Variants in LRRC40 observed in about 807,000 individuals in gnomAD.
LRRC40 encodes leucine rich repeat containing 40.
LRRC40 carries 76 observed loss-of-function variants against 72.8 expected under a neutral mutation model. The ratio of observed to expected loss-of-function variants is 1.04; its 90% confidence interval spans 0.87 to 1.26. The LOEUF (loss-of-function observed/expected upper bound fraction) is 1.26, where lower values mean the gene tolerates loss of function less well. Ranked by LOEUF, LRRC40 falls within the 50% of genes most tolerant of loss-of-function variation. LRRC40 has a pLI of 0.00. For synonymous variants in LRRC40, 243 were observed against 254.2 expected (o/e 0.96, Z 0.42); for missense variants, 684 against 698.9 (o/e 0.98, Z 0.24).
intron 9 of LRRC40, among the ~76,000 whole-genome samples, chr1:70,167,684 G>C (rs767922003): frequency 6.6e-6 from 1 of 151,842 alleles, no homozygotes; most frequent in African/African-American, 2.4e-5. Flanking sequence ...GCACAATCTC[G>C]GCTCACTGTA....
intron 1 of LRRC40, among the ~76,000 whole-genome samples, chr1:70,204,545 T>C (rs141939364): frequency 5.2e-4 from 79 of 152,300 alleles, no homozygotes; most frequent in Non-Finnish European, 7.8e-4. Context: ...AAGGATTCTG[T>C]GTCTTTTCAT....
intron 9 of LRRC40, among the ~76,000 whole-genome samples, chr1:70,172,036 G>C (rs141607104): frequency 1.3e-5 from 2 of 152,090 alleles, no homozygotes; most frequent in Non-Finnish European, 2.9e-5. Flanking sequence ...AACCACCAAG[G>C]TAACAGTATT....
chr1:70,184,697 C>A (rs890019256), intron 4 of LRRC40, 88 bp downstream of exon 4: 2 of 1,235,680 alleles, frequency 1.6e-6, no homozygotes. Flanking sequence ...CATGTTCCCA[C>A]AGTTTCAATC....
At chr1:70,202,877 T>C (rs924645886) in intron 1 of LRRC40, among the ~76,000 whole-genome samples, 2 of 152,098 alleles carry the variant, frequency 1.3e-5, no homozygotes, top group Non-Finnish European at 2.9e-5. Flanking sequence ...GGGGGAAAGG[T>C]AATTTTTGTT....
At position 70,148,623 on chromosome 1, in the gene LRRC40, T is replaced by C. The variant is rs763321871; in HGVS notation, c.1567A>G (p.Ile523Val). ...VLYRIFTLET[I>V]LISNNQVGSV... is the part of the protein sequence containing the mutation. Reference sequence around the variant, plus strand: ...CCAACCTGATTATTACTAATCAGAATTGTTTCAAGTGTGAAGATACGATAT... The same window carrying C: ...CCAACCTGATTATTACTAATCAGAACTGTTTCAAGTGTGAAGATACGATAT... Residue 523 changes from isoleucine to valine, a missense_variant, in exon 14 of 15, where the codon ATT becomes GTT. Coordinates refer to ENST00000370952, the MANE Select transcript of LRRC40 (RefSeq NM_017768.5). 3 of 1,612,964 alleles carry C rather than the reference T, an allele frequency of 1.9e-6. No homozygotes were observed. The Admixed American group carries it at 5.0e-5, about 27-fold the overall frequency.
chr1:70,159,499 TTGA>T, intron 9 of LRRC40, 61 bp from the exon 10 acceptor site: 1 of 742,706 alleles, frequency 1.3e-6, no homozygotes, highest in Non-Finnish European at 2.3e-6. Context: ...GTTAAAATTC[TTGA>T]TAATATATTA....
intron 1 of LRRC40, among the ~76,000 whole-genome samples, chr1:70,197,319 C>T (rs948940763): frequency 1.3e-5 from 2 of 151,714 alleles, no homozygotes; most frequent in Admixed American, 6.6e-5. Context: ...AGCCTGTCAC[C>T]CAGGCTGGAG....
Position 70,145,895 on chromosome 1 carries a change from G to A in LRRC40, c.1714C>T (p.Leu572=), listed in dbSNP as rs751448579. The A allele has an allele frequency of 2.6e-6, 4 of 1,564,422 alleles. No homozygotes were observed. Among genetic ancestry groups the A allele is most frequent in the Admixed American group, 3.4e-5 (2 of 59,682 alleles). Residue 572 remains leucine (L), a synonymous_variant, in exon 15 of 15, where the codon CTG becomes TTG. Transcript: ENST00000370952. ...GNCVNLRTLL[L]DGNPFRVPRA... The stretch of plus-strand genomic sequence containing the variant: ...GGAACTCGGAATGGATTTCCATCCA[G>A]TAGTAATGTTCTAAACAAAAGAGAG...
At chr1:70,188,961 G>A (rs897234777) in intron 2 of LRRC40, 131 bp downstream of exon 2, 5 of 704,664 alleles carry the variant, frequency 7.1e-6, no homozygotes, top group African/African-American at 3.6e-5. Context: ...ATTATGCTAT[G>A]CCTAGAATGA....
intron 7 of LRRC40, among the ~76,000 whole-genome samples, chr1:70,174,819 G>C (rs1328491370): frequency 1.3e-5 from 2 of 152,064 alleles, no homozygotes; most frequent in Non-Finnish European, 2.9e-5. Flanking sequence ...ACTTTTTAGG[G>C]AGATAGAAAT....
Position 70,205,548 on chromosome 1 carries a change from G to C in LRRC40, c.-8C>G. On this transcript the variant is annotated 5_prime_UTR_variant, in exon 1 of 15. Transcript: ENST00000370952. ...CCGCTTCAGGCGCGACATGTTCAAA[G>C]TCCTAGGTCCAGAAGCTGCAGCCCC... is the stretch of plus-strand genomic sequence containing the variant. 2 of 1,584,986 alleles carry C rather than the reference G, an allele frequency of 1.3e-6. No homozygotes were observed. Among genetic ancestry groups the C allele is most frequent in the Non-Finnish European group, 1.7e-6 (2 of 1,157,466 alleles).
intron 13 of LRRC40, among the ~76,000 whole-genome samples, 161 bp from the exon 14 acceptor site, chr1:70,148,833 G>A (rs1667387460): frequency 6.6e-6 from 1 of 152,088 alleles, no homozygotes; most frequent in African/African-American, 2.4e-5. Flanking sequence ...AAAATAAAGA[G>A]AAAGGGCTAA....
chr1:70,180,325 T>C (rs1398709399), intron 5 of LRRC40: 1 of 152,300 alleles, frequency 6.6e-6, no homozygotes, highest in Non-Finnish European at 1.5e-5. Flanking sequence ...GCTGAACTTA[T>C]GTGGATACCC....
In LRRC40 at chr1:70,178,812, T is replaced by A. The variant is rs1179380592; in HGVS notation, c.804+39A>T. 3.7e-6 allele frequency: 5 copies of A among 1,340,734 alleles called. No homozygotes were observed. The East Asian group carries it at 1.3e-4, about 34-fold the overall frequency. The allele number at this position is 1,340,734 out of a possible 1,614,324, so 83.1% of individuals were successfully genotyped here. ...AAAAATGCATTTTAATAATTAACTT[T>A]TGGAAAATATAGTTATTTAATAATC... On this transcript the variant is annotated intron_variant, in intron 6 of 14. Coordinates refer to ENST00000370952, the MANE Select transcript of LRRC40 (RefSeq NM_017768.5).
chr1:70,172,506 G>A (rs776888789), intron 9 of LRRC40, among the ~76,000 whole-genome samples: 2 of 152,064 alleles, frequency 1.3e-5, no homozygotes, highest in Non-Finnish European at 2.9e-5. Flanking sequence ...TAGCAGAAAT[G>A]TTTGCATATA....
At chr1:70,202,904 T>G (rs1165701482) in intron 1 of LRRC40, among the ~76,000 whole-genome samples, 2 of 152,196 alleles carry the variant, frequency 1.3e-5, no homozygotes, top group African/African-American at 4.8e-5. Context: ...ATTATTATTA[T>G]TTTAGAGACA....
intron 1 of LRRC40, among the ~76,000 whole-genome samples, chr1:70,198,501 G>A (rs1052955216): frequency 2.6e-5 from 4 of 152,090 alleles, no homozygotes; most frequent in Non-Finnish European, 5.9e-5. Context: ...ATTTTATCTA[G>A]TCCGACGAAA....
rs752211106 is a variant in LRRC40, at chr1:70,144,840, TGTA to T, written c.*957_*959del. On this transcript the variant is annotated 3_prime_UTR_variant, in exon 15 of 15. Coordinates refer to ENST00000370952, the MANE Select transcript of LRRC40 (RefSeq NM_017768.5). ...AAAAATGTAACTTTTATTCTGAACA[TGTA>T]GTATTTATCTTTATTAGCAATTTTT... 2.0e-5 allele frequency: 3 copies of T among 152,130 alleles called. No homozygotes were observed. Among genetic ancestry groups the T allele is most frequent in the Non-Finnish European group, 4.4e-5 (3 of 68,020 alleles). The allele number at this position is 152,130 out of a possible 1,614,324, so 9.4% of individuals were successfully genotyped here. A position where few individuals can be genotyped will look rare whatever the true frequency, so the allele number is the denominator to read the frequency against.
chr1:70,153,232 G>A (rs1667550856), intron 11 of LRRC40, among the ~76,000 whole-genome samples: 1 of 151,686 alleles, frequency 6.6e-6, no homozygotes, highest in Admixed American at 6.6e-5. Context: ...CATGGTGGCG[G>A]GCACCTGTAA....
Sources: gnomAD v4.1 joint callset for allele counts (sites outside exome capture counted in the v4.1 genomes callset) on GRCh38, gnomAD v4.1.1 for gene constraint, MANE v1.5 for transcripts, NCBI Gene and HGNC (gene_info 2026-07-23, HGNC 2026-07-21) for gene names.